PCDHGB4: variants seen among roughly 807,000 people sequenced by gnomAD.
PCDHGB4 encodes protocadherin gamma-B4.
PCDHGB4 carries 38 observed loss-of-function variants against 60.5 expected under a neutral mutation model. The ratio of observed to expected loss-of-function variants is 0.63; its 90% confidence interval spans 0.48 to 0.82. PCDHGB4 has a LOEUF of 0.82. Among genes scored for constraint, PCDHGB4 ranks in the 40% least tolerant of loss-of-function variants. PCDHGB4 has a pLI of 0.00. For synonymous variants in PCDHGB4, 456 were observed against 509.7 expected (o/e 0.89, Z 1.42); for missense variants, 1,109 against 1,209.6 (o/e 0.92, Z 1.23).
At chr5:141,450,293 G>A (rs879439714) in intron 1 of PCDHGB4, among the ~76,000 whole-genome samples, 6 of 151,746 alleles carry the variant, frequency 4.0e-5, no homozygotes, top group Non-Finnish European at 7.4e-5. Flanking sequence ...GATTACAGGC[G>A]TGAGCCACCA....
chr5:141,415,112 T>G, intron 1 of PCDHGB4: 1 of 1,613,626 alleles, frequency 6.2e-7, no homozygotes, highest in Non-Finnish European at 8.5e-7. Flanking sequence ...AAGCAAAGCC[T>G]CGTAGTGGCC....
At chr5:141,415,702 GC>G (rs754496290) in intron 1 of PCDHGB4, 1 of 1,403,056 alleles carries the variant, frequency 7.1e-7, no homozygotes, top group South Asian at 1.3e-5. Context: ...AAGTGTAAAT[GC>G]TAAAACACTG....
chr5:141,397,602 G>T (rs2150712888), intron 1 of PCDHGB4, among the ~76,000 whole-genome samples: 1 of 152,296 alleles, frequency 6.6e-6, no homozygotes, highest in African/African-American at 2.4e-5. Flanking sequence ...TATTGCCAGT[G>T]ACAAGGGCAA....
chr5:141,486,828 G>A lies in PCDHGB4; in HGVS notation c.2398-7979G>A, dbSNP rs140257646. 77 of 1,614,218 alleles carry A rather than the reference G, an allele frequency of 4.8e-5. 1 individual carries two copies. In the East Asian group the frequency reaches 1.2e-3, roughly 26 times the overall value. On this transcript the variant is annotated intron_variant, in intron 1 of 3. Transcript: ENST00000519479. This position sits in a 1 kb window ranked among gnomAD's most constrained non-coding sequence, Gnocchi z 5.0. ...CCCCTTAGCAGCACTGTAACAGTTCGTCTATTTGTGCTGGACCTCAATGAC... is the reference window on the plus strand; with the variant it reads ...CCCCTTAGCAGCACTGTAACAGTTCATCTATTTGTGCTGGACCTCAATGAC...
chr5:141,404,725 G>A (rs1381392805), intron 1 of PCDHGB4: 1 of 1,613,980 alleles, frequency 6.2e-7, no homozygotes, highest in Non-Finnish European at 8.5e-7. Context: ...TGACCAAGGT[G>A]GTGGCAGTGG....
chr5:141,388,876 T>C lies in PCDHGB4; in HGVS notation c.992T>C (p.Val331Ala), dbSNP rs941783342. 6.2e-6 allele frequency: 10 copies of C among 1,613,840 alleles called. No homozygotes were observed. In the African/African-American group the frequency reaches 1.1e-4, roughly 17 times the overall value. The change falls in exon 1 of 4, where the codon GTG becomes GCG. Residue 331 changes from valine (V) to alanine (A), a missense_variant. Val to Ala is a moderately conservative substitution (Grantham distance 64). Coordinates refer to ENST00000519479, the MANE Select transcript of PCDHGB4 (RefSeq NM_003736.4). ...DGGGMIAQCT[V>A]EVEVIDENDN... ...GGAGGAATGATTGCGCAATGCACAGTGGAGGTAGAAGTCATAGATGAAAAT... is the reference window on the plus strand; with the variant it reads ...GGAGGAATGATTGCGCAATGCACAGCGGAGGTAGAAGTCATAGATGAAAAT...
At chr5:141,393,246 A>G (rs1434145740) in intron 1 of PCDHGB4, 2 of 1,613,694 alleles carry the variant, frequency 1.2e-6, no homozygotes, top group Non-Finnish European at 1.7e-6. Flanking sequence ...AATTAACGAA[A>G]TCGCGGTTCC....
chr5:141,422,228 T>C (rs1561800204), intron 1 of PCDHGB4: 1 of 1,565,566 alleles, frequency 6.4e-7, no homozygotes, highest in Non-Finnish European at 8.6e-7. Flanking sequence ...ACCACGACGA[T>C]GTTGATCACT....
intron 1 of PCDHGB4, among the ~76,000 whole-genome samples, chr5:141,459,690 C>A (rs1338211972): frequency 6.6e-6 from 1 of 152,174 alleles, no homozygotes; most frequent in African/African-American, 2.4e-5. Context: ...ATAAAGCGTT[C>A]CGCTTGCTAC....
intron 1 of PCDHGB4, among the ~76,000 whole-genome samples, chr5:141,455,549 C>G (rs911113181): frequency 1.3e-5 from 2 of 152,042 alleles, no homozygotes; most frequent in Non-Finnish European, 2.9e-5. Flanking sequence ...TCACGTAGCC[C>G]GAGAAAAAGC....
chr5:141,406,096 G>A (rs966441415), intron 1 of PCDHGB4, among the ~76,000 whole-genome samples: 1 of 150,800 alleles, frequency 6.6e-6, no homozygotes, highest in Non-Finnish European at 1.5e-5. Context: ...TTAAGAGATG[G>A]GGGTGTCATT....
At chr5:141,434,830 C>A (rs7703679) in intron 1 of PCDHGB4, among the ~76,000 whole-genome samples, 45,467 of 151,546 alleles carry the variant, frequency 0.3, 8,050 homozygotes, top group African/African-American at 0.5. Flanking sequence ...GTACACTTGG[C>A]ATTTATAAAG....
intron 1 of PCDHGB4, chr5:141,423,755 G>GGT (rs1554116817): frequency 5.9e-6 from 3 of 512,508 alleles, no homozygotes; most frequent in Non-Finnish European, 7.8e-6. Context: ...CTGTTTGGGG[G>GGT]GGGGGTGGGG....
At position 141,398,847 on chromosome 5, in the gene PCDHGB4, G is replaced by C. The variant is rs773663002; in HGVS notation, c.2397+8566G>C. ...TAACCGACGCCAATGATAATCCCCC[G>C]GTATTCAACCGAGACGTGTACAGAG... On this transcript the variant is annotated intron_variant, in intron 1 of 3. Coordinates refer to ENST00000519479, the MANE Select transcript of PCDHGB4 (RefSeq NM_003736.4). The C allele has an allele frequency of 3.8e-5, 62 of 1,613,758 alleles. 1 individual carries two copies. In the Admixed American group the frequency reaches 1.0e-3, roughly 27 times the overall value.
chr5:141,434,254 T>C (rs1440934691), intron 1 of PCDHGB4, among the ~76,000 whole-genome samples: 3 of 152,176 alleles, frequency 2.0e-5, no homozygotes, highest in Admixed American at 6.5e-5. Context: ...TTGGGCATTG[T>C]GGGGGAGGTG....
rs2099648980 is a variant in PCDHGB4 at position 141,487,537 on chromosome 5, G to A, written c.2398-7270G>A. ...CTCGGAGTGATAGCTTCATGATGGT[G>A]AAGTCACCCAGTGCACCTATGGCAG... On this transcript the variant is annotated intron_variant, in intron 1 of 3. Transcript: ENST00000519479. The surrounding 1 kb of genome is among the most constrained non-coding windows in gnomAD (Gnocchi z 5.0). The A allele has an allele frequency of 1.2e-6, 2 of 1,614,188 alleles. No individual in the cohort carries two copies. Among genetic ancestry groups the A allele is most frequent in the Admixed American group, 1.7e-5 (1 of 60,028 alleles).
At chr5:141,455,160 G>T (rs6875366) in intron 1 of PCDHGB4, among the ~76,000 whole-genome samples, 16,301 of 149,190 alleles carry the variant, frequency 0.11, 1,328 homozygotes, top group African/African-American at 0.23. Context: ...TAGTTTGTTG[G>T]TTTTTTTTTT....
chr5:141,418,294 C>G, intron 1 of PCDHGB4: 1 of 1,613,988 alleles, frequency 6.2e-7, no homozygotes. Flanking sequence ...TCAGTGAATC[C>G]GTCAGCCTGG....
At chr5:141,449,471 G>T (rs1261821886) in intron 1 of PCDHGB4, among the ~76,000 whole-genome samples, 1 of 151,060 alleles carries the variant, frequency 6.6e-6, no homozygotes, top group African/African-American at 2.4e-5. Flanking sequence ...GCCAGGCCTG[G>T]TACCCCATGC....
Sources: gnomAD v4.1 joint callset for allele counts (sites outside exome capture counted in the v4.1 genomes callset) on GRCh38, gnomAD v4.1.1 for gene constraint, Gnocchi (gnomAD v3.1) non-coding constraint, MANE v1.5 for transcripts, NCBI Gene and HGNC (gene_info 2026-07-23, HGNC 2026-07-21) for gene names.